The following TENM4 variants were observed in gnomAD, a reference collection of about 807,000 sequenced individuals.
TENM4 encodes teneurin transmembrane protein 4, also known as teneurin-4.
TENM4 carries 82 observed loss-of-function variants against 243.3 expected under a neutral mutation model. The observed-to-expected ratio is 0.34, with a 90% CI of 0.28 to 0.40. The LOEUF (loss-of-function observed/expected upper bound fraction) is 0.40. Ranked by LOEUF, TENM4 falls within the 10% of genes least tolerant of loss-of-function variation. The probability of loss-of-function intolerance (pLI) is 1.00; values close to 1 mark genes in which losing one functional copy is unlikely to be tolerated. For missense variants in TENM4, 3,138 were observed against 3,673.3 expected, an observed-to-expected ratio of 0.85 and a Z score of 3.77; for synonymous variants, 1,412 against 1,456.3, an observed-to-expected ratio of 0.97 and a Z score of 0.69.
chr11:78,969,802 T>C (rs1857504614), intron 6 of TENM4, among the ~76,000 whole-genome samples: 1 of 152,170 alleles, frequency 6.6e-6, no homozygotes, highest in African/African-American at 2.4e-5. Context: ...ACCTTTTAAC[T>C]GGCAGCCCTG....
At chr11:78,850,089 A>G (rs1056508180) in intron 12 of TENM4, among the ~76,000 whole-genome samples, 2 of 141,414 alleles carry the variant, frequency 1.4e-5, no homozygotes. Context: ...GTGTGTGTAA[A>G]TGCATCTAGT....
chr11:79,137,330 G>A (rs1259602424), intron 4 of TENM4, among the ~76,000 whole-genome samples: 3 of 152,148 alleles, frequency 2.0e-5, no homozygotes, highest in Admixed American at 2.0e-4. Context: ...CCACAACGGA[G>A]GTAAGGAAGA....
chr11:78,688,779 A>T (rs1858745726), intron 28 of TENM4, among the ~76,000 whole-genome samples: 1 of 152,080 alleles, frequency 6.6e-6, no homozygotes, highest in South Asian at 2.1e-4. Context: ...TTAGCTAGAT[A>T]AATGGTGTCT....
intron 6 of TENM4, among the ~76,000 whole-genome samples, chr11:79,041,114 C>T (rs958849928): frequency 8.6e-5 from 13 of 150,858 alleles, no homozygotes; most frequent in Non-Finnish European, 1.5e-4. Context: ...CCTTGGCTGG[C>T]GTGCAGTGGC....
chr11:78,969,498 T>A (rs1340958013), intron 6 of TENM4, among the ~76,000 whole-genome samples: 1 of 152,182 alleles, frequency 6.6e-6, no homozygotes, highest in East Asian at 1.9e-4. Context: ...GAGACTAAAA[T>A]TATGAGGGCT....
At chr11:78,877,338 C>A (rs369815746) in intron 9 of TENM4, among the ~76,000 whole-genome samples, 50 of 152,324 alleles carry the variant, frequency 3.3e-4, no homozygotes, top group African/African-American at 1.2e-3. Context: ...CTAAGCCTAG[C>A]AGACTTAAGT....
chr11:79,125,187 T>A (rs1861848500), intron 4 of TENM4, among the ~76,000 whole-genome samples: 1 of 152,136 alleles, frequency 6.6e-6, no homozygotes, highest in Admixed American at 6.5e-5. Context: ...CCTGATTCAT[T>A]GCTCGTGAGA....
At chr11:78,926,800 A>C (rs1430747874) in intron 6 of TENM4, among the ~76,000 whole-genome samples, 1 of 152,080 alleles carries the variant, frequency 6.6e-6, no homozygotes, top group East Asian at 1.9e-4. Flanking sequence ...GATCAAGATA[A>C]CTTGTTTTCT....
chr11:79,313,880 C>T (rs139918369), intron 1 of TENM4, among the ~76,000 whole-genome samples: 19 of 152,238 alleles, frequency 1.2e-4, no homozygotes, highest in East Asian at 1.2e-3. Context: ...TTTCCAGTTT[C>T]GATGTGAAAT....
chr11:78,795,922 C>T (rs1857151574), intron 15 of TENM4, among the ~76,000 whole-genome samples: 1 of 152,106 alleles, frequency 6.6e-6, no homozygotes, highest in Non-Finnish European at 1.5e-5. Context: ...GACATTGAGG[C>T]CAAACCCAAG....
chr11:79,051,990 T>C (rs1859806605), intron 6 of TENM4, among the ~76,000 whole-genome samples: 1 of 152,236 alleles, frequency 6.6e-6, no homozygotes, highest in Admixed American at 6.5e-5. Flanking sequence ...CCATGGTGTA[T>C]ATGTACCACA....
intron 4 of TENM4, among the ~76,000 whole-genome samples, chr11:79,105,200 A>T (rs922195465): frequency 2.0e-5 from 3 of 152,224 alleles, no homozygotes; most frequent in African/African-American, 4.8e-5. Flanking sequence ...GTTGTAAAAC[A>T]AATGAATATA....
At chr11:78,750,697 T>C (rs1856168395) in intron 19 of TENM4, among the ~76,000 whole-genome samples, 1 of 152,190 alleles carries the variant, frequency 6.6e-6, no homozygotes, top group Non-Finnish European at 1.5e-5. Context: ...TATTCTATCA[T>C]TCACTGTGGT....
rs574102327 is a variant in TENM4, at chr11:78,854,899, A to G, written c.1471-585T>C. Among the ~76,000 whole-genome samples, 6 of 152,338 alleles carry G rather than the reference A, an allele frequency of 3.9e-5. No individual in the cohort carries two copies. In the East Asian group the frequency reaches 1.2e-3, roughly 29 times the overall value. On this transcript the variant is annotated intron_variant, in intron 11 of 33. Transcript: ENST00000278550. ...GGGGAACTCAACTGGATTAGCTCAAAACTCTATCAATAATTACATGCTGTG... is the reference window on the plus strand; with the variant it reads ...GGGGAACTCAACTGGATTAGCTCAAGACTCTATCAATAATTACATGCTGTG...
chr11:78,778,969 C>T (rs1856792306), intron 16 of TENM4, among the ~76,000 whole-genome samples: 1 of 152,246 alleles, frequency 6.6e-6, no homozygotes, highest in African/African-American at 2.4e-5. Context: ...CTGCCAGCTT[C>T]GTCTGGCTTT....
intron 19 of TENM4, among the ~76,000 whole-genome samples, chr11:78,753,906 T>A (rs1033533596): frequency 5.3e-5 from 8 of 152,086 alleles, no homozygotes; most frequent in Non-Finnish European, 1.0e-4. Flanking sequence ...AAAGTTGACT[T>A]CTTCTGCTTC....
At chr11:79,149,137 A>T (rs1862447214) in intron 3 of TENM4, among the ~76,000 whole-genome samples, 2 of 152,086 alleles carry the variant, frequency 1.3e-5, no homozygotes, top group South Asian at 4.1e-4. Context: ...CATCTCTTCA[A>T]CTCTTAGGGA....
chr11:79,135,927 A>G (rs953577600), intron 4 of TENM4, among the ~76,000 whole-genome samples: 17 of 151,860 alleles, frequency 1.1e-4, no homozygotes, highest in African/African-American at 4.1e-4. Flanking sequence ...TAAGTGAAGA[A>G]ACTCAGGAAT....
intron 14 of TENM4, among the ~76,000 whole-genome samples, chr11:78,808,207 C>A (rs957680286): frequency 1.3e-5 from 2 of 152,154 alleles, no homozygotes; most frequent in African/African-American, 4.8e-5. Flanking sequence ...TGGCAATATT[C>A]TGGGAACATT....
Sources: gnomAD v4.1 joint callset for allele counts (sites outside exome capture counted in the v4.1 genomes callset) on GRCh38, gnomAD v4.1.1 for gene constraint, MANE v1.5 for transcripts, NCBI Gene and HGNC (gene_info 2026-07-23, HGNC 2026-07-21) for gene names.